The following RCOR1 variants were observed in gnomAD, a reference collection of about 807,000 sequenced individuals.
RCOR1 encodes REST corepressor 1.
In RCOR1, 12 loss-of-function variants were observed where a neutral mutation model predicts 64.0. The observed-to-expected ratio is 0.19, with a 90% CI of 0.12 to 0.30. The LOEUF (loss-of-function observed/expected upper bound fraction) is 0.30, where lower values mean the gene tolerates loss of function less well. RCOR1 is among the 10% of genes least tolerant of loss of function. The probability of loss-of-function intolerance (pLI) is 1.00; values close to 1 mark genes in which losing one functional copy is unlikely to be tolerated. For synonymous variants in RCOR1, 279 were observed against 227.2 expected, an observed-to-expected ratio of 1.23 and a Z score of -2.05; for missense variants, 502 against 621.2, an observed-to-expected ratio of 0.81 and a Z score of 2.04.
At chr14:102,625,814 T>C (rs757420317) in intron 2 of RCOR1, among the ~76,000 whole-genome samples, 1 of 152,198 alleles carries the variant, frequency 6.6e-6, no homozygotes, top group Non-Finnish European at 1.5e-5. Context: ...TAGTATAATT[T>C]CTGTGTCTTT....
chr14:102,684,592 CACTT>C (rs949153573), intron 3 of RCOR1, among the ~76,000 whole-genome samples: 3 of 152,108 alleles, frequency 2.0e-5, no homozygotes, highest in Middle Eastern at 3.2e-3. Flanking sequence ...ACAAAACAAA[CACTT>C]ACCTAAAAGT....
chr14:102,605,752 G>T (rs991189875), intron 2 of RCOR1, among the ~76,000 whole-genome samples: 1 of 152,140 alleles, frequency 6.6e-6, no homozygotes, highest in Non-Finnish European at 1.5e-5. Flanking sequence ...GCCTCAGGCA[G>T]GTCCTTCAGG....
chr14:102,632,002 G>C (rs1437552294), intron 2 of RCOR1, among the ~76,000 whole-genome samples: 1 of 151,778 alleles, frequency 6.6e-6, no homozygotes, highest in South Asian at 2.1e-4. Flanking sequence ...TAGAGACGGG[G>C]TTTCACCATG....
At chr14:102,712,947 GTTTTTTTT>G (rs67246962) in intron 7 of RCOR1, among the ~76,000 whole-genome samples, 2,033 of 77,862 alleles carry the variant, frequency 0.026, 25 homozygotes, top group Middle Eastern at 0.05. Flanking sequence ...CTAAATCATT[GTTTTTTTT>G]TTTTTTTTTT....
chr14:102,639,581 T>C (rs1339480937), intron 2 of RCOR1, among the ~76,000 whole-genome samples: 1 of 151,446 alleles, frequency 6.6e-6, no homozygotes, highest in Middle Eastern at 3.2e-3. Context: ...TTGTCCAGGC[T>C]GGAGTGCAAT....
Position 102,632,104 on chromosome 14 carries a change from C to G in RCOR1, c.361+38779C>G, listed in dbSNP as rs181602328. On this transcript the variant is annotated intron_variant, in intron 2 of 11. Transcript: ENST00000262241. ...GGATTACAGGCGTGAGCCACCGTGC[C>G]GAGCCACCATCAGATTTTCTTGGTG... Among the ~76,000 whole-genome samples, 4 of 149,818 alleles carry G rather than the reference C, an allele frequency of 2.7e-5. No individual in the cohort carries two copies. The Admixed American group carries it at 2.7e-4, about 10-fold the overall frequency.
chr14:102,681,696 T>C (rs1895306426), intron 2 of RCOR1, among the ~76,000 whole-genome samples, 199 bp from the exon 3 acceptor site: 1 of 152,126 alleles, frequency 6.6e-6, no homozygotes, highest in African/African-American at 2.4e-5. Context: ...TCAGTAAAAG[T>C]AGGAAAGGAC....
At chr14:102,643,199 G>A (rs1325574385) in intron 2 of RCOR1, 2 of 207,700 alleles carry the variant, frequency 9.6e-6, no homozygotes, top group Non-Finnish European at 1.7e-5. Context: ...GGAGAATGGC[G>A]TGAACCCGGG....
At chr14:102,648,719 G>C (rs774736952) in intron 2 of RCOR1, among the ~76,000 whole-genome samples, 2 of 152,140 alleles carry the variant, frequency 1.3e-5, no homozygotes, top group African/African-American at 2.4e-5. Context: ...ATTCATTTTA[G>C]CCCTTTTCCT....
intron 2 of RCOR1, among the ~76,000 whole-genome samples, chr14:102,627,032 C>T (rs538262579): frequency 6.6e-6 from 1 of 152,292 alleles, no homozygotes; most frequent in East Asian, 1.9e-4. Flanking sequence ...TCCAATTACT[C>T]TTCTAGATAG....
At chr14:102,665,112 T>A (rs1894892360) in intron 2 of RCOR1, among the ~76,000 whole-genome samples, 1 of 152,072 alleles carries the variant, frequency 6.6e-6, no homozygotes, top group South Asian at 2.1e-4. Context: ...TTCAAGCGAT[T>A]CTTCTGCCTC....
At chr14:102,601,370 C>T (rs60300877) in intron 2 of RCOR1, among the ~76,000 whole-genome samples, 6 of 152,254 alleles carry the variant, frequency 3.9e-5, no homozygotes, top group South Asian at 2.1e-4. Context: ...GCCTCATTCC[C>T]GCCTTCTTTC....
Position 102,695,935 on chromosome 14 carries a change from T to C in RCOR1, c.446-5343T>C, listed in dbSNP as rs1229814283. ...CTACTTCTGTGAGCCTCAGTTTCTT[T>C]GTGAATGAGAGTGATAATGGAACTA... On this transcript the variant is annotated intron_variant, in intron 3 of 11. Transcript: ENST00000262241. 2.0e-5 allele frequency among the ~76,000 whole-genome samples: 3 copies of C among 152,208 alleles called. No homozygotes were observed. The East Asian group carries it at 5.8e-4, about 29-fold the overall frequency.
intron 3 of RCOR1, among the ~76,000 whole-genome samples, chr14:102,691,676 C>T (rs899691044): frequency 3.3e-5 from 5 of 152,134 alleles, no homozygotes; most frequent in Non-Finnish European, 7.3e-5. Context: ...ATGGGCAAAA[C>T]GTACTAGAAT....
At chr14:102,677,326 G>A (rs1308305451) in intron 2 of RCOR1, among the ~76,000 whole-genome samples, 9 of 129,928 alleles carry the variant, frequency 6.9e-5, no homozygotes, top group African/African-American at 2.7e-4. Context: ...GCGGCTGGCC[G>A]GGCAGGGGGC....
At chr14:102,676,868 C>T (rs1341541156) in intron 2 of RCOR1, among the ~76,000 whole-genome samples, 8 of 112,922 alleles carry the variant, frequency 7.1e-5, no homozygotes, top group Admixed American at 4.6e-4. Context: ...TGACCCCCCA[C>T]CTCCCTCCTG....
chr14:102,624,967 G>A (rs144894016), intron 2 of RCOR1, among the ~76,000 whole-genome samples: 1 of 151,770 alleles, frequency 6.6e-6, no homozygotes, highest in Admixed American at 6.6e-5. Context: ...AATCCCCTGC[G>A]CTCAAGTAAT....
At chr14:102,719,285 G>A (rs1478668241) in intron 8 of RCOR1, among the ~76,000 whole-genome samples, 36 of 151,944 alleles carry the variant, frequency 2.4e-4, no homozygotes, top group Admixed American at 2.4e-3. Flanking sequence ...AAGTTCTAGG[G>A]TACATGTGCA....
chr14:102,639,497 TTTTATTTATTTATTTATTTA>T (rs3069233), intron 2 of RCOR1, among the ~76,000 whole-genome samples: 6,382 of 135,386 alleles, frequency 0.047, 164 homozygotes, highest in Non-Finnish European at 0.056. Flanking sequence ...ATTTTTTAAT[TTTTATTTATTTATTTATTTA>T]TTTATTTATT....
Sources: gnomAD v4.1 joint callset for allele counts (sites outside exome capture counted in the v4.1 genomes callset) on GRCh38, gnomAD v4.1.1 for gene constraint, MANE v1.5 for transcripts, NCBI Gene and HGNC (gene_info 2026-07-23, HGNC 2026-07-21) for gene names.